The following FBXL17 variants were observed in gnomAD, a reference collection of about 807,000 sequenced individuals.
FBXL17 encodes F-box/LRR-repeat protein 17.
In FBXL17, 22 loss-of-function variants were observed where a neutral mutation model predicts 66.2. The observed-to-expected ratio is 0.33, with a 90% CI of 0.24 to 0.47. The LOEUF (loss-of-function observed/expected upper bound fraction) is 0.47. Ranked by LOEUF, FBXL17 falls within the 20% of genes least tolerant of loss-of-function variation. FBXL17 has a pLI of 1.00. For synonymous variants in FBXL17, 474 were observed against 400.5 expected, an observed-to-expected ratio of 1.18 and a Z score of -2.19; for missense variants, 878 against 948.2, an observed-to-expected ratio of 0.93 and a Z score of 0.97.
At chr5:108,202,958 G>A (rs73778684) in intron 5 of FBXL17, among the ~76,000 whole-genome samples, 10,965 of 151,900 alleles carry the variant, frequency 0.072, 1,308 homozygotes, top group African/African-American at 0.25. Flanking sequence ...ACCTTTAATG[G>A]GTCAGCAGGA....
intron 6 of FBXL17, among the ~76,000 whole-genome samples, chr5:108,145,825 A>AATAATAATC (rs1260046591): frequency 9.3e-6 from 1 of 107,564 alleles, no homozygotes; most frequent in Non-Finnish European, 2.2e-5. Context: ...CCTAAACAAT[A>AATAATAATC]ATAATAATAA....
At chr5:108,067,887 A>C (rs898468041) in intron 6 of FBXL17, among the ~76,000 whole-genome samples, 8 of 152,238 alleles carry the variant, frequency 5.3e-5, no homozygotes, top group Non-Finnish European at 8.8e-5. Context: ...ATTCTAAGTT[A>C]CAGGCTAAGC....
intron 6 of FBXL17, among the ~76,000 whole-genome samples, chr5:108,139,157 A>G (rs1377445219): frequency 6.6e-6 from 1 of 152,176 alleles, no homozygotes; most frequent in Non-Finnish European, 1.5e-5. Flanking sequence ...TTGCACGCTC[A>G]CCATAGGGGA....
chr5:107,966,527 C>T (rs1220246875), intron 7 of FBXL17, among the ~76,000 whole-genome samples: 1 of 152,268 alleles, frequency 6.6e-6, no homozygotes, highest in South Asian at 2.1e-4. Flanking sequence ...GTTTCCACTA[C>T]CCACACCTTC....
At chr5:108,109,596 G>A (rs570976307) in intron 6 of FBXL17, among the ~76,000 whole-genome samples, 1 of 152,148 alleles carries the variant, frequency 6.6e-6, no homozygotes, top group African/African-American at 2.4e-5. Context: ...AAATACATTT[G>A]TATGTTTTTT....
At chr5:108,173,426 T>C (rs1752680654) in intron 6 of FBXL17, among the ~76,000 whole-genome samples, 1 of 151,910 alleles carries the variant, frequency 6.6e-6, no homozygotes, top group African/African-American at 2.4e-5. Context: ...AAGAAAATAA[T>C]CCCTAGAGAA....
At chr5:107,889,839 A>AT (rs1335003426) in intron 7 of FBXL17, among the ~76,000 whole-genome samples, 2 of 152,164 alleles carry the variant, frequency 1.3e-5, no homozygotes, top group East Asian at 1.9e-4. Context: ...CAAAAATTTG[A>AT]TTGAGTATGT....
chr5:108,326,560 G>T (rs1014544829), intron 4 of FBXL17, among the ~76,000 whole-genome samples: 9 of 152,008 alleles, frequency 5.9e-5, no homozygotes, highest in Admixed American at 3.3e-4. Flanking sequence ...CCAAGAACCT[G>T]ACACTGCACT....
At chr5:108,155,843 C>A (rs1356541359) in intron 6 of FBXL17, among the ~76,000 whole-genome samples, 2 of 152,042 alleles carry the variant, frequency 1.3e-5, no homozygotes, top group South Asian at 2.1e-4. Context: ...ACACTTTATG[C>A]CCTCAGGTTA....
rs1748064134 is a variant in FBXL17, at chr5:107,859,497, G to C, written c.*2223C>G. The C allele has an allele frequency of 7.3e-6, 1 of 136,532 alleles. No homozygotes were observed. The highest frequency in any genetic ancestry group is 8.4e-5 in the Admixed American group (1 of 11,960). 8.5% of individuals were successfully genotyped at this position (136,532 alleles called of 1,614,324 possible). A position where few individuals can be genotyped will look rare whatever the true frequency, so the allele number is the denominator to read the frequency against. On this transcript the variant is annotated 3_prime_UTR_variant, in exon 9 of 9. Transcript: ENST00000542267. Reference sequence around the variant, plus strand: ...CCAAAGCAGTTTTCCAGATTATGTTGCATCAGGCTTTCTGGATTAGTCAAC... The same window carrying C: ...CCAAAGCAGTTTTCCAGATTATGTTCCATCAGGCTTTCTGGATTAGTCAAC...
chr5:108,164,609 AATT>A (rs1752339741), intron 6 of FBXL17, among the ~76,000 whole-genome samples: 1 of 152,086 alleles, frequency 6.6e-6, no homozygotes, highest in African/African-American at 2.4e-5. Flanking sequence ...TAATAATAAT[AATT>A]ATCATTATTA....
At chr5:108,305,479 T>C (rs901422033) in intron 4 of FBXL17, among the ~76,000 whole-genome samples, 4 of 151,120 alleles carry the variant, frequency 2.6e-5, no homozygotes, top group Non-Finnish European at 4.4e-5. Flanking sequence ...AACTGAAAAG[T>C]TGAAGGGGGA....
chr5:108,240,862 G>A (rs1233113026), intron 4 of FBXL17, among the ~76,000 whole-genome samples: 1 of 152,156 alleles, frequency 6.6e-6, no homozygotes, highest in Non-Finnish European at 1.5e-5. Flanking sequence ...TCAGTGCAGG[G>A]AGAGAGACAG....
intron 4 of FBXL17, among the ~76,000 whole-genome samples, chr5:108,232,016 A>G (rs1196729707): frequency 6.6e-6 from 1 of 152,250 alleles, no homozygotes; most frequent in Non-Finnish European, 1.5e-5. Context: ...AAGGCAAAGG[A>G]ATACAGAATG....
chr5:108,085,586 C>T (rs1748937274), intron 6 of FBXL17, among the ~76,000 whole-genome samples: 3 of 152,164 alleles, frequency 2.0e-5, no homozygotes, highest in Admixed American at 2.0e-4. Flanking sequence ...GCCGTTGGGG[C>T]TCAGAACATG....
chr5:107,955,132 G>A (rs1234091857), intron 7 of FBXL17, among the ~76,000 whole-genome samples: 4 of 151,896 alleles, frequency 2.6e-5, no homozygotes, highest in Admixed American at 1.3e-4. Flanking sequence ...TAGAAAGGAT[G>A]ACATCTTTTA....
intron 6 of FBXL17, among the ~76,000 whole-genome samples, chr5:108,098,516 C>A (rs576590549): frequency 1.3e-5 from 2 of 151,946 alleles, no homozygotes; most frequent in Non-Finnish European, 2.9e-5. Context: ...GAGGCCGAGG[C>A]GGGTGGATCA....
intron 6 of FBXL17, among the ~76,000 whole-genome samples, chr5:108,070,877 T>C (rs916867579): frequency 4.6e-5 from 7 of 152,212 alleles, no homozygotes; most frequent in African/African-American, 1.7e-4. Flanking sequence ...GCAATTTTAA[T>C]TTGCAGCAGG....
intron 6 of FBXL17, among the ~76,000 whole-genome samples, chr5:108,052,620 G>A (rs1747529238): frequency 6.6e-6 from 1 of 152,078 alleles, no homozygotes; most frequent in African/African-American, 2.4e-5. Flanking sequence ...TGGCCATACT[G>A]CCCAAAGTAA....
Sources: gnomAD v4.1 joint callset for allele counts (sites outside exome capture counted in the v4.1 genomes callset) on GRCh38, gnomAD v4.1.1 for gene constraint, MANE v1.5 for transcripts, NCBI Gene and HGNC (gene_info 2026-07-23, HGNC 2026-07-21) for gene names.